TINAG: variants seen among roughly 807,000 people sequenced by gnomAD.
TINAG encodes tubulointerstitial nephritis antigen.
A neutral mutation model predicts 72.7 loss-of-function variants in TINAG; 83 were observed. The ratio of observed to expected loss-of-function variants is 1.14; its 90% confidence interval spans 0.96 to 1.37. The LOEUF is 1.37. TINAG is among the 40% of genes most tolerant of loss of function. TINAG has a pLI of 0.00. For missense variants in TINAG, 685 were observed against 576.6 expected, an observed-to-expected ratio of 1.19 and a Z score of -1.93; for synonymous variants, 234 against 189.9, an observed-to-expected ratio of 1.23 and a Z score of -1.91.
Position 54,349,791 on chromosome 6 carries a change from G to C in TINAG, c.975G>C (p.Arg325Ser), listed in dbSNP as rs768636988. ...ATNNGCAMAS[R>S]SDGRGKRHAT... ...ACAATGGATGTGCCATGGCAAGCAG[G>C]TCTGATGGGCGAGGAAAACGGCATG... is the stretch of plus-strand genomic sequence containing the variant. The change falls in exon 7 of 11, where the codon AGG becomes AGC. Residue 325 changes from arginine (R) to serine (S), a missense_variant. Physicochemically the swap from Arg to Ser is moderately radical, Grantham distance 110 (BLOSUM62 -1). Coordinates refer to ENST00000259782, the MANE Select transcript of TINAG (RefSeq NM_014464.4). 6.2e-7 allele frequency: 1 copy of C among 1,606,828 alleles called. No individual in the cohort carries two copies. Among genetic ancestry groups the C allele is most frequent in the Non-Finnish European group, 8.5e-7 (1 of 1,175,580 alleles).
chr6:54,310,564 C>T (rs570118932), intron 1 of TINAG, among the ~76,000 whole-genome samples: 2 of 146,342 alleles, frequency 1.4e-5, no homozygotes, highest in African/African-American at 5.0e-5. Context: ...TCCTCCTTCC[C>T]TCCCTCTCTC....
At chr6:54,352,526 A>G (rs897457524) in intron 8 of TINAG, among the ~76,000 whole-genome samples, 5 of 151,930 alleles carry the variant, frequency 3.3e-5, no homozygotes, top group African/African-American at 1.2e-4. Context: ...TTATTTGAAG[A>G]GTGAGGGAAT....
intron 10 of TINAG, among the ~76,000 whole-genome samples, chr6:54,382,536 T>C (rs76633838): frequency 0.011 from 1,665 of 152,228 alleles, 32 homozygotes; most frequent in African/African-American, 0.038. Context: ...TTGTACTGTT[T>C]TGTGAAGAAT....
At chr6:54,380,475 C>G (rs746943116) in intron 9 of TINAG, 51 bp from the exon 10 acceptor site, 2 of 1,503,398 alleles carry the variant, frequency 1.3e-6, no homozygotes, top group African/African-American at 1.4e-5. Context: ...TCTCAAGAAG[C>G]AAACCAAACA....
At chr6:54,329,488 A>G (rs1390025864) in intron 4 of TINAG, among the ~76,000 whole-genome samples, 2 of 152,180 alleles carry the variant, frequency 1.3e-5, no homozygotes, top group African/African-American at 4.8e-5. Context: ...TAAATATAGA[A>G]AGGAAAAACT....
In TINAG at chr6:54,354,613, G is replaced by A; in HGVS notation, c.1227G>A (p.Gln409=). 1 of 1,610,126 alleles carries A rather than the reference G, an allele frequency of 6.2e-7. No homozygotes were observed. The highest frequency in any genetic ancestry group is 2.2e-5 in the East Asian group (1 of 44,552). ...NKESEKYRKL[Q]THAVKLTGWG... is the part of the protein sequence containing the mutation. ...AATCAGAAAAATATCGAAAGCTTCA[G>A]ACACATGCAGTCAAACTCACTGGGT... is the stretch of plus-strand genomic sequence containing the variant. Residue 409 remains glutamine (Q), a synonymous_variant, in exon 9 of 11, where the codon CAG becomes CAA. Coordinates refer to ENST00000259782, the MANE Select transcript of TINAG (RefSeq NM_014464.4).
chr6:54,332,577 A>G (rs1280242439), intron 4 of TINAG, among the ~76,000 whole-genome samples: 1 of 152,216 alleles, frequency 6.6e-6, no homozygotes, highest in Non-Finnish European at 1.5e-5. Context: ...TCATGAATAA[A>G]ACACCAAAAG....
chr6:54,376,317 A>T (rs141412922), intron 9 of TINAG, among the ~76,000 whole-genome samples: 1 of 152,282 alleles, frequency 6.6e-6, no homozygotes, highest in African/African-American at 2.4e-5. Context: ...AAAGCAAAAT[A>T]TATGTCTTCT....
At chr6:54,375,105 A>G (rs1030393322) in intron 9 of TINAG, among the ~76,000 whole-genome samples, 2 of 151,974 alleles carry the variant, frequency 1.3e-5, no homozygotes, top group African/African-American at 2.4e-5. Flanking sequence ...AAATAAAACT[A>G]TTTTTCTTTT....
At chr6:54,382,800 A>G (rs1763989650) in intron 10 of TINAG, among the ~76,000 whole-genome samples, 1 of 152,154 alleles carries the variant, frequency 6.6e-6, no homozygotes. Flanking sequence ...GACAAAGAAC[A>G]ATAGATTTTC....
intron 1 of TINAG, among the ~76,000 whole-genome samples, chr6:54,314,304 T>C (rs912893941): frequency 1.3e-5 from 2 of 152,182 alleles, no homozygotes; most frequent in African/African-American, 4.8e-5. Context: ...AAATGGCCCT[T>C]GTAGTCATGA....
intron 9 of TINAG, among the ~76,000 whole-genome samples, chr6:54,358,258 T>A (rs976565902): frequency 5.9e-5 from 9 of 151,826 alleles, no homozygotes; most frequent in Non-Finnish European, 7.4e-5. Context: ...TTTTTAAAAA[T>A]TTTATACAAT....
At chr6:54,328,280 G>A (rs1274966640) in intron 4 of TINAG, among the ~76,000 whole-genome samples, 2 of 152,074 alleles carry the variant, frequency 1.3e-5, no homozygotes, top group Admixed American at 1.3e-4. Flanking sequence ...GGAGCAGGCA[G>A]CAATCTTTGC....
At chr6:54,389,701 A>T in intron 10 of TINAG, 90 bp from the exon 11 acceptor site, 1 of 1,456,046 alleles carries the variant, frequency 6.9e-7, no homozygotes, top group Non-Finnish European at 9.2e-7. Flanking sequence ...AATCAAAGGC[A>T]TTTAAAGTTA....
chr6:54,310,937 CT>C (rs1188950814), intron 1 of TINAG, among the ~76,000 whole-genome samples: 1 of 143,672 alleles, frequency 7.0e-6, no homozygotes, highest in East Asian at 2.0e-4. Flanking sequence ...CTCTTTCTTT[CT>C]TTTTTTCTCT....
intron 4 of TINAG, among the ~76,000 whole-genome samples, chr6:54,329,846 T>C (rs1784695093): frequency 6.6e-6 from 1 of 151,818 alleles, no homozygotes; most frequent in Non-Finnish European, 1.5e-5. Flanking sequence ...AAGCAGAATT[T>C]AAACAAAGAA....
At chr6:54,367,440 G>A (rs41413844) in intron 9 of TINAG, among the ~76,000 whole-genome samples, 1 of 151,764 alleles carries the variant, frequency 6.6e-6, no homozygotes, top group African/African-American at 2.4e-5. Context: ...AGTGCACATA[G>A]TCTAATAGTG....
At chr6:54,371,867 A>G (rs761795131) in intron 9 of TINAG, among the ~76,000 whole-genome samples, 2 of 151,942 alleles carry the variant, frequency 1.3e-5, no homozygotes, top group Non-Finnish European at 2.9e-5. Flanking sequence ...CAATTGTTCA[A>G]TTAGGGAAGG....
chr6:54,352,810 A>T (rs1785298182), intron 8 of TINAG, among the ~76,000 whole-genome samples: 1 of 151,722 alleles, frequency 6.6e-6, no homozygotes, highest in South Asian at 2.1e-4. Context: ...AGAAAATTTA[A>T]ATACCTTAGA....
Sources: allele counts gnomAD v4.1 joint callset (sites outside exome capture counted in the v4.1 genomes callset), GRCh38; gene constraint gnomAD v4.1.1; transcripts MANE v1.5; gene names NCBI Gene and HGNC (gene_info 2026-07-23, HGNC 2026-07-21).